The following CNIH3 variants were observed in gnomAD, a reference collection of about 807,000 sequenced individuals.
The protein encoded by CNIH3 is protein cornichon homolog 3.
In CNIH3, 14 loss-of-function variants were observed where a neutral mutation model predicts 24.1. The observed-to-expected ratio is 0.58, with a 90% CI of 0.38 to 0.91. The LOEUF is 0.91. Among genes scored for constraint, CNIH3 ranks in the 40% least tolerant of loss-of-function variants. The pLI is 0.00. For missense variants in CNIH3, 178 were observed against 196.8 expected (o/e 0.90, Z 0.57); for synonymous variants, 68 against 73.8 (o/e 0.92, Z 0.40).
intron 4 of CNIH3, among the ~76,000 whole-genome samples, chr1:224,568,020 G>A (rs779619883): frequency 1.5e-4 from 23 of 152,078 alleles, no homozygotes; most frequent in Non-Finnish European, 2.8e-4. Flanking sequence ...GGCCAGGCAC[G>A]GTGGCTCAAG....
chr1:224,526,745 A>G (rs10799584), intron 2 of CNIH3, among the ~76,000 whole-genome samples: 38,459 of 152,146 alleles, frequency 0.25, 6,024 homozygotes, highest in Middle Eastern at 0.37. Flanking sequence ...GTAATTTATA[A>G]CAGGTTTAAC....
chr1:224,539,769 G>T (rs1679441339), downstream of CNIH3, among the ~76,000 whole-genome samples: 1 of 152,134 alleles, frequency 6.6e-6, no homozygotes, highest in Non-Finnish European at 1.5e-5. Context: ...CACCTAGTTA[G>T]AACTAATCAT....
intron 1 of CNIH3, among the ~76,000 whole-genome samples, chr1:224,639,408 AG>A (rs1176780795): frequency 4.6e-5 from 7 of 152,340 alleles, no homozygotes; most frequent in African/African-American, 1.7e-4. Context: ...CACCTTCTCA[AG>A]CTTGAAAATA....
intron 1 of CNIH3, among the ~76,000 whole-genome samples, chr1:224,519,847 G>T (rs1039301143): frequency 1.3e-5 from 2 of 151,956 alleles, no homozygotes; most frequent in Non-Finnish European, 2.9e-5. Context: ...AGATGGAAAT[G>T]AATTAAAATT....
At chr1:224,567,277 C>T (rs1680620857) in intron 4 of CNIH3, among the ~76,000 whole-genome samples, 1 of 152,134 alleles carries the variant, frequency 6.6e-6, no homozygotes, top group African/African-American at 2.4e-5. Context: ...AGCCCTTTGT[C>T]AGATGGATAG....
At chr1:224,486,446 CTG>C (rs1024545494) in intron 1 of CNIH3, among the ~76,000 whole-genome samples, 4 of 152,212 alleles carry the variant, frequency 2.6e-5, no homozygotes, top group African/African-American at 9.6e-5. Flanking sequence ...GTAGCTTTCA[CTG>C]TGTTTTGTTT....
At chr1:224,532,752 T>G (rs575029954) in intron 2 of CNIH3, among the ~76,000 whole-genome samples, 2 of 152,250 alleles carry the variant, frequency 1.3e-5, no homozygotes, top group Non-Finnish European at 2.9e-5. Flanking sequence ...GCAGGAATAA[T>G]ACCATCACCA....
intron 1 of CNIH3, among the ~76,000 whole-genome samples, chr1:224,660,122 A>C (rs975612578): frequency 1.3e-5 from 2 of 152,200 alleles, no homozygotes; most frequent in African/African-American, 4.8e-5. Context: ...GTCCATTTTC[A>C]TGCTGCTGAT....
At chr1:224,574,483 G>T in intron 4 of CNIH3, 1 of 656,188 alleles carries the variant, frequency 1.5e-6, no homozygotes, top group Non-Finnish European at 2.8e-6. Flanking sequence ...CCCATCCTGG[G>T]GCTAGGCACC....
chr1:224,573,715 A>G (rs1258882478), intron 4 of CNIH3, among the ~76,000 whole-genome samples: 2 of 152,076 alleles, frequency 1.3e-5, no homozygotes, highest in Admixed American at 1.3e-4. Context: ...GCTTTTTTCC[A>G]TGTTTGTCTT....
intron 3 of CNIH3, among the ~76,000 whole-genome samples, chr1:224,715,629 G>A (rs1271652169): frequency 6.6e-6 from 1 of 152,202 alleles, no homozygotes; most frequent in Non-Finnish European, 1.5e-5. Context: ...GAAAGCCTCA[G>A]GCTGCTTCCA....
intron 1 of CNIH3, among the ~76,000 whole-genome samples, chr1:224,483,550 C>T (rs899321619): frequency 2.7e-4 from 41 of 152,144 alleles, no homozygotes; most frequent in East Asian, 1.2e-3. Flanking sequence ...CCACCACACC[C>T]GGCTAATTTT....
At chr1:224,625,389 A>G in intron 1 of CNIH3, among the ~76,000 whole-genome samples, 1 of 152,030 alleles carries the variant, frequency 6.6e-6, no homozygotes. Flanking sequence ...CTCTCCTAAA[A>G]ATAAAATAAA....
chr1:224,552,162 C>A (rs907285840), intron 3 of CNIH3, among the ~76,000 whole-genome samples: 1 of 150,528 alleles, frequency 6.6e-6, no homozygotes, highest in Non-Finnish European at 1.5e-5. Context: ...GGGTGTATAC[C>A]CCCTGTGATA....
chr1:224,456,459 G>T (rs529629480), intron 1 of CNIH3, among the ~76,000 whole-genome samples: 30 of 152,288 alleles, frequency 2.0e-4, no homozygotes, highest in Non-Finnish European at 3.7e-4. Context: ...TGCCTGGGCT[G>T]GAGTGCGGTG....
intron 3 of CNIH3, among the ~76,000 whole-genome samples, chr1:224,720,476 G>A (rs1688657901): frequency 6.6e-6 from 1 of 152,168 alleles, no homozygotes; most frequent in Admixed American, 6.5e-5. Flanking sequence ...GTGGCCCTGG[G>A]GACTTAGAAC....
At chr1:224,575,329 G>T (rs1383175566) in intron 4 of CNIH3, 4 of 1,026,766 alleles carry the variant, frequency 3.9e-6, no homozygotes, top group Non-Finnish European at 6.2e-6. Flanking sequence ...AGAACTGGAG[G>T]GTCTGTGCCT....
intron 3 of CNIH3, among the ~76,000 whole-genome samples, chr1:224,719,964 C>A (rs1247283246): frequency 2.6e-5 from 4 of 152,204 alleles, no homozygotes; most frequent in Non-Finnish European, 5.9e-5. Context: ...TTCAGACAAC[C>A]CCCTCTGCCT....
intron 1 of CNIH3, among the ~76,000 whole-genome samples, chr1:224,444,581 C>T (rs996225333): frequency 6.6e-6 from 1 of 151,956 alleles, no homozygotes; most frequent in African/African-American, 2.4e-5. Context: ...AACTCCTGAC[C>T]GTGTGATCCA....
Sources: allele counts gnomAD v4.1 joint callset (sites outside exome capture counted in the v4.1 genomes callset), GRCh38; gene constraint gnomAD v4.1.1; transcripts MANE v1.5; gene names NCBI Gene and HGNC (gene_info 2026-07-23, HGNC 2026-07-21).